Variants in MYO18A observed in about 807,000 individuals in gnomAD.
The protein encoded by MYO18A is unconventional myosin-XVIIIa.
MYO18A carries 78 observed loss-of-function variants against 235.8 expected under a neutral mutation model. The observed-to-expected ratio is 0.33, with a 90% CI of 0.28 to 0.40. MYO18A has a LOEUF of 0.40. Among genes scored for constraint, MYO18A ranks in the 10% least tolerant of loss-of-function variants. The probability of loss-of-function intolerance (pLI) is 1.00; values close to 1 mark genes in which losing one functional copy is unlikely to be tolerated. For synonymous variants in MYO18A, 977 were observed against 1,077.8 expected (o/e 0.91, Z 1.83); for missense variants, 2,215 against 2,699.3 (o/e 0.82, Z 3.98).
intron 2 of MYO18A, among the ~76,000 whole-genome samples, chr17:29,139,842 C>T (rs2067694843): frequency 6.6e-6 from 1 of 152,128 alleles, no homozygotes; most frequent in Non-Finnish European, 1.5e-5. Context: ...GAGAAGGGTG[C>T]TCCCTGACAA....
chr17:29,120,853 T>C lies in MYO18A; in HGVS notation c.1586-95A>G, dbSNP rs901370664. On this transcript the variant is annotated intron_variant, in intron 6 of 41. Transcript: ENST00000527372. This position sits in a 1 kb window ranked among gnomAD's most constrained non-coding sequence, Gnocchi z 4.2. ...CCAGAGGTATGAAGGCTTGGGGCCA[T>C]TCAGACCAGAACTGCCCGTGGACAG... 2.4e-5 allele frequency: 37 copies of C among 1,567,538 alleles called. No individual in the cohort carries two copies. In the African/African-American group the frequency reaches 3.2e-4, roughly 14 times the overall value.
At position 29,073,153 on chromosome 17, in the gene MYO18A, A is replaced by C. The variant is rs2065905848; in HGVS notation, c.*1617T>G. 1 of 142,190 alleles carries C rather than the reference A, an allele frequency of 7.0e-6. No individual in the cohort carries two copies. The highest frequency in any genetic ancestry group is 7.0e-5 in the Admixed American group (1 of 14,376). 8.8% of individuals were successfully genotyped at this position (142,190 alleles called of 1,614,324 possible). A position where few individuals can be genotyped will look rare whatever the true frequency, so the allele number is the denominator to read the frequency against. ...AAGGAGGAAGAGAAGAGAAGAGAAG[A>C]GAATCTCTGTAATTGGTGAGATTTA... is the stretch of plus-strand genomic sequence containing the variant. On this transcript the variant is annotated 3_prime_UTR_variant, in exon 42 of 42. Coordinates refer to ENST00000527372, the MANE Select transcript of MYO18A (RefSeq NM_078471.4).
rs556840281 is a variant in MYO18A, at chr17:29,095,111, A to C, written c.4386-52T>G. 304 of 1,483,272 alleles carry C rather than the reference A, an allele frequency of 2.0e-4. No homozygotes were observed. The African/African-American group carries it at 3.7e-3, about 18-fold the overall frequency. 91.9% of individuals were successfully genotyped at this position (1,483,272 alleles called of 1,614,324 possible). On this transcript the variant is annotated intron_variant, in intron 28 of 41. Coordinates refer to ENST00000527372, the MANE Select transcript of MYO18A (RefSeq NM_078471.4). Reference sequence around the variant, plus strand: ...AGATGGGGAAGAGCCAGGGTCCCCCACACAGACACTGTCAGGAGGTGGTGC... The same window carrying C: ...AGATGGGGAAGAGCCAGGGTCCCCCCCACAGACACTGTCAGGAGGTGGTGC...
At chr17:29,123,748 C>T (rs929509361) in intron 2 of MYO18A, among the ~76,000 whole-genome samples, 1 of 152,228 alleles carries the variant, frequency 6.6e-6, no homozygotes, top group Admixed American at 6.5e-5. Flanking sequence ...ATTTGAAGAA[C>T]TATAACTATA....
chr17:29,165,870 AT>A, intron 2 of MYO18A, 71 bp downstream of exon 2: 2 of 1,406,396 alleles, frequency 1.4e-6, no homozygotes, highest in Non-Finnish European at 2.0e-6. Flanking sequence ...GGGTACCCCG[AT>A]TACCCAGTCA....
Position 29,099,700 on chromosome 17 carries a change from C to T in MYO18A, c.3570G>A (p.Arg1190=). The T allele has an allele frequency of 6.2e-7, 1 of 1,613,694 alleles. No homozygotes were observed. The highest frequency in any genetic ancestry group is 8.5e-7 in the Non-Finnish European group (1 of 1,179,870). The change falls in exon 22 of 42, where the codon AGG becomes AGA. Residue 1190 remains arginine (R), a synonymous_variant. Transcript: ENST00000527372. ...LEEQRDEQTS[R]NLTLFQAACR... ...AGGCTGCTTGGAACAGGGTTAGGTT[C>T]CTGCTGGTTTGTTCATCCCGCTGCT...
Position 29,166,995 on chromosome 17 carries a change from A to G in MYO18A, c.-55T>C. ...CCCCAGAGGATTATGAGTGCTTAGC[A>G]CAGGGCCTTGGTGCCCCACTTTGCT... On this transcript the variant is annotated 5_prime_UTR_variant, in exon 2 of 42. Transcript: ENST00000527372. The G allele has an allele frequency of 2.0e-6, 3 of 1,464,382 alleles. No individual in the cohort carries two copies. Among genetic ancestry groups the G allele is most frequent in the South Asian group, 2.9e-5 (2 of 68,846 alleles). The allele number at this position is 1,464,382 out of a possible 1,614,324, so 90.7% of individuals were successfully genotyped here. A position where few individuals can be genotyped will look rare whatever the true frequency, so the allele number is the denominator to read the frequency against.
chr17:29,154,100 GA>G (rs1384393807), intron 2 of MYO18A, among the ~76,000 whole-genome samples: 2 of 136,284 alleles, frequency 1.5e-5, no homozygotes, highest in African/African-American at 3.3e-5. Context: ...AAATTCTGCA[GA>G]GTGTGTGTGT....
chr17:29,154,121 T>TGTGTGTGTGTGTGTGTGCGCGCGCGCGC (rs142430455), intron 2 of MYO18A, among the ~76,000 whole-genome samples: 62 of 149,090 alleles, frequency 4.2e-4, no homozygotes, highest in African/African-American at 1.5e-3. Flanking sequence ...TGTGTGTGTG[T>TGTGTGTGTGTGTGTGTGCGCGCGCGCGC]GCGCGCGCGT....
At chr17:29,075,209 A>G (rs2065945599) in intron 41 of MYO18A, 1 of 325,808 alleles carries the variant, frequency 3.1e-6, no homozygotes. Flanking sequence ...GAAACCTTGA[A>G]TCGCTGGCTT....
At chr17:29,143,294 A>G (rs1163577145) in intron 2 of MYO18A, among the ~76,000 whole-genome samples, 2 of 151,770 alleles carry the variant, frequency 1.3e-5, no homozygotes, top group East Asian at 3.9e-4. Context: ...GTGCAGTGGC[A>G]CTATCTTGGT....
rs1474838481 is a variant in MYO18A, at chr17:29,117,292, C to G, written c.2038+753G>C. ...GAGCGCAAGTGCCAAAGCTGCAGCCCATTCGTTACCACGGTGCCTGCTGCC... is the reference window on the plus strand; with the variant it reads ...GAGCGCAAGTGCCAAAGCTGCAGCCGATTCGTTACCACGGTGCCTGCTGCC... On this transcript the variant is annotated intron_variant, in intron 10 of 41. Coordinates refer to ENST00000527372, the MANE Select transcript of MYO18A (RefSeq NM_078471.4). The surrounding 1 kb of genome is among the most constrained non-coding windows in gnomAD (Gnocchi z 4.6). 6.6e-6 allele frequency among the ~76,000 whole-genome samples: 1 copy of G among 152,204 alleles called. No homozygotes were observed. Among genetic ancestry groups the G allele is most frequent in the Non-Finnish European group, 1.5e-5 (1 of 68,028 alleles).
chr17:29,093,501 G>C (rs1232767860), intron 31 of MYO18A, 74 bp from the exon 32 acceptor site: 1 of 1,160,204 alleles, frequency 8.6e-7, no homozygotes, highest in East Asian at 2.5e-5. Flanking sequence ...TCCATTCTGG[G>C]TTCCCCACTC....
At chr17:29,138,534 A>AAGAAATAC (rs1309608101) in intron 2 of MYO18A, among the ~76,000 whole-genome samples, 7 of 152,236 alleles carry the variant, frequency 4.6e-5, no homozygotes, top group Non-Finnish European at 8.8e-5. Flanking sequence ...AGGAGAAGGG[A>AAGAAATAC]AGAAATACTA....
rs758955795 is a variant in MYO18A at position 29,120,374 on chromosome 17, C to T, written c.1728+242G>A. ...GGCCCAGCAGTAGAGTTAGGACAAC[C>T]CCAGGGTTGGGAGAGTGAAGGGAAC... On this transcript the variant is annotated intron_variant, in intron 7 of 41. Transcript: ENST00000527372. This position sits in a 1 kb window ranked among gnomAD's most constrained non-coding sequence, Gnocchi z 4.2. Among the ~76,000 whole-genome samples the T allele has an allele frequency of 2.6e-5, 4 of 152,206 alleles. No individual in the cohort carries two copies. Among genetic ancestry groups the T allele is most frequent in the Non-Finnish European group, 5.9e-5 (4 of 68,032 alleles).
chr17:29,158,163 G>A lies in MYO18A; in HGVS notation c.999+7779C>T, dbSNP rs900390287. ...GTGTCTACACTATGCACCATACTGA[G>A]CGCCACAGATAACACCCGGCGAACA... On this transcript the variant is annotated intron_variant, in intron 2 of 41. Coordinates refer to ENST00000527372, the MANE Select transcript of MYO18A (RefSeq NM_078471.4). This position sits in a 1 kb window ranked among gnomAD's most constrained non-coding sequence, Gnocchi z 4.3. Among the ~76,000 whole-genome samples, 2 of 152,130 alleles carry A rather than the reference G, an allele frequency of 1.3e-5. No individual in the cohort carries two copies. Among genetic ancestry groups the A allele is most frequent in the African/African-American group, 4.8e-5 (2 of 41,416 alleles).
intron 2 of MYO18A, 66 bp from the exon 3 acceptor site, chr17:29,122,319 G>A: frequency 6.9e-7 from 1 of 1,458,500 alleles, no homozygotes; most frequent in Non-Finnish European, 9.4e-7. Flanking sequence ...CAGCCGTAGA[G>A]GGGAGACAAG....
In MYO18A at chr17:29,140,705, T is replaced by C. The variant is rs1331830886; in HGVS notation, c.1000-18452A>G. Among the ~76,000 whole-genome samples the C allele has an allele frequency of 1.3e-5, 2 of 151,536 alleles. No homozygotes were observed. Among genetic ancestry groups the C allele is most frequent in the Non-Finnish European group, 2.9e-5 (2 of 67,894 alleles). ...TCCGGGACAGCTGGGCTGATATGGC[T>C]CCTAAAAATAGCAGAGGAATTTGAG... is the stretch of plus-strand genomic sequence containing the variant. On this transcript the variant is annotated intron_variant, in intron 2 of 41. Coordinates refer to ENST00000527372, the MANE Select transcript of MYO18A (RefSeq NM_078471.4). This position sits in a 1 kb window ranked among gnomAD's most constrained non-coding sequence, Gnocchi z 4.2.
At chr17:29,174,049 C>T (rs942800119) in intron 1 of MYO18A, among the ~76,000 whole-genome samples, 2 of 152,034 alleles carry the variant, frequency 1.3e-5, no homozygotes, top group East Asian at 1.9e-4. Context: ...GCTAGGATTA[C>T]AGGCACCACC....
Sources: allele counts gnomAD v4.1 joint callset (sites outside exome capture counted in the v4.1 genomes callset), GRCh38; gene constraint gnomAD v4.1.1; non-coding constraint Gnocchi (gnomAD v3.1); transcripts MANE v1.5; gene names NCBI Gene and HGNC (gene_info 2026-07-23, HGNC 2026-07-21).